Variants in SGCZ observed in about 807,000 individuals in gnomAD.
SGCZ encodes sarcoglycan zeta.
In SGCZ, 40 loss-of-function variants were observed where a neutral mutation model predicts 41.3. That is an observed-to-expected ratio of 0.97 (90% CI 0.75 to 1.26). The LOEUF (loss-of-function observed/expected upper bound fraction) is 1.26, where lower values mean the gene tolerates loss of function less well. SGCZ is among the 50% of genes most tolerant of loss of function. The pLI is 0.00. For missense variants in SGCZ, 552 were observed against 369.8 expected (o/e 1.49, Z -4.04); for synonymous variants, 206 against 137.5 (o/e 1.50, Z -3.49).
intron 1 of SGCZ, among the ~76,000 whole-genome samples, chr8:15,079,670 T>C (rs990719568): frequency 1.3e-5 from 2 of 152,308 alleles, no homozygotes; most frequent in Non-Finnish European, 2.9e-5. Context: ...TGTTCAAAGG[T>C]TTTCCGATCC....
At chr8:14,103,880 C>T (rs188687111) in intron 6 of SGCZ, among the ~76,000 whole-genome samples, 73 of 152,248 alleles carry the variant, frequency 4.8e-4, no homozygotes, top group Non-Finnish European at 6.3e-4. Flanking sequence ...TAGCATTTTA[C>T]GCACAGTATC....
chr8:14,247,693 C>G (rs1230071603), intron 3 of SGCZ, among the ~76,000 whole-genome samples: 5 of 152,122 alleles, frequency 3.3e-5, no homozygotes, highest in Non-Finnish European at 5.9e-5. Flanking sequence ...GTTGGGTTGC[C>G]ACTTTTCCAC....
chr8:14,433,106 T>C (rs1254741807), intron 2 of SGCZ, among the ~76,000 whole-genome samples: 1 of 152,040 alleles, frequency 6.6e-6, no homozygotes, highest in Non-Finnish European at 1.5e-5. Flanking sequence ...TTCACAAACA[T>C]GTTACATATG....
chr8:15,050,917 C>G (rs560551230), intron 1 of SGCZ, among the ~76,000 whole-genome samples: 10 of 152,164 alleles, frequency 6.6e-5, no homozygotes, highest in African/African-American at 2.4e-4. Flanking sequence ...CTTTTTTCAC[C>G]TCCTCATTAT....
chr8:14,249,092 T>C (rs758450917), intron 3 of SGCZ, among the ~76,000 whole-genome samples: 1 of 152,184 alleles, frequency 6.6e-6, no homozygotes, highest in Non-Finnish European at 1.5e-5. Context: ...AGAGTGTTTC[T>C]CAATGAGATG....
intron 1 of SGCZ, among the ~76,000 whole-genome samples, chr8:14,568,658 C>A (rs1365456264): frequency 6.6e-6 from 1 of 152,056 alleles, no homozygotes; most frequent in African/African-American, 2.4e-5. Flanking sequence ...TATGAAAAAT[C>A]ACTTTTGTTG....
At chr8:14,942,695 A>G (rs917985723) in intron 1 of SGCZ, among the ~76,000 whole-genome samples, 1 of 152,106 alleles carries the variant, frequency 6.6e-6, no homozygotes, top group African/African-American at 2.4e-5. Context: ...ATTCACAACT[A>G]TATTTCTCCC....
chr8:14,825,462 T>A (rs1209892508), intron 1 of SGCZ, among the ~76,000 whole-genome samples: 1 of 152,220 alleles, frequency 6.6e-6, no homozygotes, highest in African/African-American at 2.4e-5. Flanking sequence ...AATTTGTGCA[T>A]TGTCAAGTTT....
intron 2 of SGCZ, among the ~76,000 whole-genome samples, chr8:14,542,537 G>A (rs1436549436): frequency 6.6e-6 from 1 of 152,026 alleles, no homozygotes; most frequent in African/African-American, 2.4e-5. Context: ...AAGGAGATTT[G>A]TCCATCCTGT....
intron 2 of SGCZ, among the ~76,000 whole-genome samples, chr8:14,452,818 G>C (rs10104220): frequency 0.39 from 59,139 of 151,930 alleles, 11,792 homozygotes; most frequent in Non-Finnish European, 0.44. Context: ...AGAAGAGTAA[G>C]GGGCCGGGTG....
Position 14,233,591 on chromosome 8 carries a change from A to AATATAT in SGCZ, c.424+4000_424+4001insATATAT, listed in dbSNP as rs749854594. Among the ~76,000 whole-genome samples the AATATAT allele has an allele frequency of 1.7e-3, 213 of 127,558 alleles. 2 individuals are homozygous for AATATAT. Among genetic ancestry groups the AATATAT allele is most frequent in the South Asian group, 1.5e-3 (5 of 3,252 alleles). 83.7% of individuals were successfully genotyped at this position (127,558 alleles called of 152,430 possible). A position where few individuals can be genotyped will look rare whatever the true frequency, so the allele number is the denominator to read the frequency against. ...CCATAAAGATTTTTATTCTATATAA[A>AATATAT]ATATAGATATATATATATATTCTAT... On this transcript the variant is annotated intron_variant, in intron 4 of 7. Coordinates refer to ENST00000382080, the MANE Select transcript of SGCZ (RefSeq NM_139167.4).
At chr8:15,227,240 C>A (rs1394211603) in intron 1 of SGCZ, among the ~76,000 whole-genome samples, 3 of 152,098 alleles carry the variant, frequency 2.0e-5, no homozygotes, top group Admixed American at 6.6e-5. Flanking sequence ...AGACAAAATC[C>A]CATACAAATT....
intron 4 of SGCZ, among the ~76,000 whole-genome samples, chr8:14,213,947 C>G (rs1384082188): frequency 6.6e-6 from 1 of 152,040 alleles, no homozygotes; most frequent in African/African-American, 2.4e-5. Context: ...TAACTCCCAG[C>G]TGCTTAATTA....
chr8:14,926,197 A>C (rs1464152454), intron 1 of SGCZ, among the ~76,000 whole-genome samples: 2 of 152,226 alleles, frequency 1.3e-5, no homozygotes, highest in Non-Finnish European at 2.9e-5. Flanking sequence ...CTTTTTAAGT[A>C]ATATATGCAT....
intron 2 of SGCZ, among the ~76,000 whole-genome samples, chr8:14,345,836 T>C (rs528866546): frequency 6.6e-6 from 1 of 152,112 alleles, no homozygotes; most frequent in Non-Finnish European, 1.5e-5. Context: ...CTGTGTGACT[T>C]GATCAAATCC....
chr8:14,861,253 C>G (rs1218817045), intron 1 of SGCZ, among the ~76,000 whole-genome samples: 1 of 152,116 alleles, frequency 6.6e-6, no homozygotes, highest in African/African-American at 2.4e-5. Context: ...GTTAACCAAT[C>G]ACATGTGTTC....
chr8:14,198,605 A>AC (rs1805353789), intron 4 of SGCZ, among the ~76,000 whole-genome samples: 1 of 151,872 alleles, frequency 6.6e-6, no homozygotes, highest in African/African-American at 2.4e-5. Context: ...AGTTGAAAAA[A>AC]AAGAGGAAAA....
intron 2 of SGCZ, among the ~76,000 whole-genome samples, chr8:14,359,658 C>T (rs1343676746): frequency 1.3e-5 from 2 of 151,626 alleles, no homozygotes; most frequent in African/African-American, 4.8e-5. Flanking sequence ...AAAGAAAAGC[C>T]CAAGACACAG....
intron 1 of SGCZ, among the ~76,000 whole-genome samples, chr8:14,566,083 T>C (rs1804350679): frequency 6.6e-6 from 1 of 152,166 alleles, no homozygotes; most frequent in African/African-American, 2.4e-5. Context: ...ATGTTTTAAT[T>C]TAAAATGAAC....
Sources: allele counts gnomAD v4.1 joint callset (sites outside exome capture counted in the v4.1 genomes callset), GRCh38; gene constraint gnomAD v4.1.1; transcripts MANE v1.5; gene names NCBI Gene and HGNC (gene_info 2026-07-23, HGNC 2026-07-21).